ZNF556: variants seen among roughly 807,000 people sequenced by gnomAD.
The protein encoded by ZNF556 is zinc finger protein 556.
Under a neutral mutation model 13.6 loss-of-function variants are expected in ZNF556, and 11 were observed. That is an observed-to-expected ratio of 0.81 (90% confidence interval 0.51 to 1.33). ZNF556 has a LOEUF of 1.33. Ranked by LOEUF, ZNF556 falls within the 40% of genes most tolerant of loss-of-function variation. The pLI, the probability that ZNF556 is intolerant of heterozygous loss-of-function variation, is 0.00. For missense variants in ZNF556, 633 were observed against 566.2 expected (o/e 1.12, Z -1.20); for synonymous variants, 229 against 207.8 (o/e 1.10, Z -0.88).
At position 2,881,081 on chromosome 19, in the gene ZNF556, T is replaced by G. The variant is rs1156872069; in HGVS notation, c.*2752T>G. On this transcript the variant is annotated 3_prime_UTR_variant, in exon 4 of 4. Coordinates refer to ENST00000307635, the MANE Select transcript of ZNF556 (RefSeq NM_024967.3). ...CGGGGTTTCACTATGCTGGCCAGGCTGGTCTCGATCTCCTGACCTTGTGAT... is the reference window on the plus strand; with the variant it reads ...CGGGGTTTCACTATGCTGGCCAGGCGGGTCTCGATCTCCTGACCTTGTGAT... 3.3e-5 allele frequency: 5 copies of G among 152,076 alleles called. No homozygotes were observed. Among genetic ancestry groups the G allele is most frequent in the Middle Eastern group, 3.4e-3 (1 of 296 alleles). 9.4% of individuals were successfully genotyped at this position (152,076 alleles called of 1,614,324 possible).
At chr19:2,875,999 T>C (rs1744381836) in intron 2 of ZNF556, 94 bp from the exon 3 acceptor site, 1 of 1,028,536 alleles carries the variant, frequency 9.7e-7, no homozygotes, top group African/African-American at 1.7e-5. Flanking sequence ...TAAAATAAAA[T>C]CACATAATGA....
rs1458634578 is a variant in ZNF556, at chr19:2,879,861, T to C, written c.*1532T>C. Reference sequence around the variant, plus strand: ...CTGGCTATCATGGTGAAACCCCGTCTCTACTAAAAATACAAAAAATTAGCC... The same window carrying C: ...CTGGCTATCATGGTGAAACCCCGTCCCTACTAAAAATACAAAAAATTAGCC... On this transcript the variant is annotated 3_prime_UTR_variant, in exon 4 of 4. Coordinates refer to ENST00000307635, the MANE Select transcript of ZNF556 (RefSeq NM_024967.3). 1.5e-5 allele frequency: 2 copies of C among 130,888 alleles called. No individual in the cohort carries two copies. The highest frequency in any genetic ancestry group is 3.9e-4 in the East Asian group (1 of 2,588). 8.1% of individuals were successfully genotyped at this position (130,888 alleles called of 1,614,324 possible). A position where few individuals can be genotyped will look rare whatever the true frequency, so the allele number is the denominator to read the frequency against.
rs1008480424 is a variant in ZNF556, at chr19:2,883,095, G to A, written c.*4766G>A. On this transcript the variant is annotated 3_prime_UTR_variant, in exon 4 of 4. Coordinates refer to ENST00000307635, the MANE Select transcript of ZNF556 (RefSeq NM_024967.3). The stretch of plus-strand genomic sequence containing the variant: ...ATGGTCATCTGCACAGTTGTAGCCC[G>A]TTGCGAGTGTTTTCCCATGTGCACA... The A allele has an allele frequency of 9.9e-5, 15 of 152,122 alleles. No homozygotes were observed. The East Asian group carries it at 1.5e-3, about 16-fold the overall frequency. The allele number at this position is 152,122 out of a possible 1,614,324, so 9.4% of individuals were successfully genotyped here. A position where few individuals can be genotyped will look rare whatever the true frequency, so the allele number is the denominator to read the frequency against.
chr19:2,871,049 A>T (rs1031943644), intron 1 of ZNF556, among the ~76,000 whole-genome samples: 1 of 151,912 alleles, frequency 6.6e-6, no homozygotes. Flanking sequence ...AAAAAAAAAA[A>T]AAAATTCTAA....
At chr19:2,872,933 G>C (rs1479201448) in intron 1 of ZNF556, among the ~76,000 whole-genome samples, 1 of 152,050 alleles carries the variant, frequency 6.6e-6, no homozygotes, top group Non-Finnish European at 1.5e-5. Context: ...AGGAGTTCAA[G>C]TGCAGCCTGG....
chr19:2,882,531 A>AGTGTGTGT lies in ZNF556; in HGVS notation c.*4230_*4237dup, dbSNP rs1555726894. The AGTGTGTGT allele has an allele frequency of 7.9e-3, 1,010 of 127,698 alleles. 4 individuals carry two copies. The highest frequency in any genetic ancestry group is 0.011 in the East Asian group (44 of 3,874). 7.9% of individuals were successfully genotyped at this position (127,698 alleles called of 1,614,324 possible). On this transcript the variant is annotated 3_prime_UTR_variant, in exon 4 of 4. Transcript: ENST00000307635. The stretch of plus-strand genomic sequence containing the variant: ...ATACATTTTATATATATATATATAT[A>AGTGTGTGT]GTGTGTGTGTGTGTGTGTGTGTGTG...
chr19:2,872,262 T>G (rs999523730), intron 1 of ZNF556, among the ~76,000 whole-genome samples: 2 of 152,078 alleles, frequency 1.3e-5, no homozygotes, highest in South Asian at 4.1e-4. Context: ...TTTCCTGGTC[T>G]GCTAAGTAGC....
At position 2,880,861 on chromosome 19, in the gene ZNF556, T is replaced by C. The variant is rs2087899264; in HGVS notation, c.*2532T>C. 6.9e-6 allele frequency: 1 copy of C among 145,300 alleles called. No homozygotes were observed. 9.0% of individuals were successfully genotyped at this position (145,300 alleles called of 1,614,324 possible). On this transcript the variant is annotated 3_prime_UTR_variant, in exon 4 of 4. Transcript: ENST00000307635. ...TGTTTCCTATACTGTTATAATTTTG[T>C]CTAAGAAATTCTTTTTTTTTTTTTT...
At chr19:2,870,761 C>G (rs10422579) in intron 1 of ZNF556, among the ~76,000 whole-genome samples, 2 of 142,908 alleles carry the variant, frequency 1.4e-5, no homozygotes, top group African/African-American at 2.6e-5. Flanking sequence ...AAAAAAAGGC[C>G]GGGCGCGATG....
intron 3 of ZNF556, among the ~76,000 whole-genome samples, chr19:2,876,546 C>G (rs1167455693): frequency 6.6e-6 from 1 of 151,922 alleles, no homozygotes; most frequent in African/African-American, 2.4e-5. Context: ...ATGGTGAAAC[C>G]CTGTCTCTAC....
At position 2,877,320 on chromosome 19, in the gene ZNF556, A is replaced by T; in HGVS notation, c.362A>T (p.Lys121Ile). Residue 121 changes from lysine (K) to isoleucine (I), a missense_variant, in exon 4 of 4, where the codon AAA (lysine) becomes ATA (isoleucine). By Grantham distance (102) the Lys-to-Ile change is moderately radical. Transcript: ENST00000307635. ...CCATGTAAAAGCAGTAAAGGTAATA[A>T]ACGTGGAAGAACCTTCAGAAAGACT... ...ERPCKSSKGN[K>I]RGRTFRKTRN... 1 of 1,614,160 alleles carries T rather than the reference A, an allele frequency of 6.2e-7. No homozygotes were observed. Among genetic ancestry groups the T allele is most frequent in the Non-Finnish European group, 8.5e-7 (1 of 1,179,998 alleles).
At chr19:2,870,094 A>AT (rs1350555357) in intron 1 of ZNF556, among the ~76,000 whole-genome samples, 5 of 152,056 alleles carry the variant, frequency 3.3e-5, no homozygotes, top group Non-Finnish European at 7.3e-5. Context: ...ATTCGCCATG[A>AT]TTAATTTAAA....
intron 1 of ZNF556, among the ~76,000 whole-genome samples, chr19:2,873,028 G>C (rs2087818185): frequency 6.6e-6 from 1 of 151,478 alleles, no homozygotes; most frequent in South Asian, 2.1e-4. Flanking sequence ...AGCTACTTGG[G>C]AGACTGAGGC....
intron 1 of ZNF556, among the ~76,000 whole-genome samples, chr19:2,867,869 C>T (rs986364039): frequency 6.6e-6 from 1 of 152,172 alleles, no homozygotes; most frequent in Non-Finnish European, 1.5e-5. Flanking sequence ...CGTGGCGGCA[C>T]GGGCTGGCCT....
At position 2,867,365 on chromosome 19, in the gene ZNF556, C is replaced by T. The variant is rs1182000239; in HGVS notation, c.-57C>T. 1.9e-6 allele frequency: 3 copies of T among 1,564,772 alleles called. No individual in the cohort carries two copies. Among genetic ancestry groups the T allele is most frequent in the Non-Finnish European group, 1.7e-6 (2 of 1,154,054 alleles). On this transcript the variant is annotated 5_prime_UTR_variant, in exon 1 of 4. Transcript: ENST00000307635. Reference sequence around the variant, plus strand: ...ACCACAGGTGTCCCCGTCGTGCTCACCTGCACCGGCTGCGAGGAGCAGGGA... The same window carrying T: ...ACCACAGGTGTCCCCGTCGTGCTCATCTGCACCGGCTGCGAGGAGCAGGGA...
intron 1 of ZNF556, among the ~76,000 whole-genome samples, chr19:2,871,960 C>T (rs994528032): frequency 4.6e-5 from 7 of 152,114 alleles, no homozygotes; most frequent in Admixed American, 6.6e-5. Flanking sequence ...GCGTGGCAGC[C>T]GAGGCAGAGA....
chr19:2,871,449 G>T (rs1275435680), intron 1 of ZNF556, among the ~76,000 whole-genome samples: 2 of 152,180 alleles, frequency 1.3e-5, no homozygotes, highest in Non-Finnish European at 2.9e-5. Context: ...ACTTTCCATT[G>T]TAAGGTGAAT....
At chr19:2,867,985 A>G (rs924548851) in intron 1 of ZNF556, among the ~76,000 whole-genome samples, 3 of 152,210 alleles carry the variant, frequency 2.0e-5, no homozygotes, top group South Asian at 2.1e-4. Flanking sequence ...TTTTCAGTCA[A>G]TGGAACATAC....
chr19:2,867,450 G>A (rs1361254306), intron 1 of ZNF556, 26 bp downstream of exon 1: 8 of 1,579,526 alleles, frequency 5.1e-6, no homozygotes, highest in African/African-American at 1.3e-5. Flanking sequence ...GAGCCGAGCC[G>A]GAGCCGGAGC....
Sources: allele counts gnomAD v4.1 joint callset (sites outside exome capture counted in the v4.1 genomes callset), GRCh38; gene constraint gnomAD v4.1.1; transcripts MANE v1.5; gene names NCBI Gene and HGNC (gene_info 2026-07-23, HGNC 2026-07-21).